Variants in SCD5 observed in about 807,000 individuals in gnomAD.
SCD5 encodes the protein acyl-CoA-desaturase 4.
Under a neutral mutation model 30.4 loss-of-function variants are expected in SCD5, and 20 were observed. That is an observed-to-expected ratio of 0.66 (90% CI 0.46 to 0.96). The LOEUF (loss-of-function observed/expected upper bound fraction) is 0.96, where lower values mean the gene tolerates loss of function less well. Ranked by LOEUF, SCD5 falls within the 40% of genes least tolerant of loss-of-function variation. The pLI is 0.00. For synonymous variants in SCD5, 173 were observed against 176.4 expected, an observed-to-expected ratio of 0.98 and a Z score of 0.16; for missense variants, 381 against 443.3, an observed-to-expected ratio of 0.86 and a Z score of 1.26.
At chr4:82,759,084 TC>T (rs1319139975) in intron 1 of SCD5, among the ~76,000 whole-genome samples, 1 of 152,198 alleles carries the variant, frequency 6.6e-6, no homozygotes, top group Non-Finnish European at 1.5e-5. Context: ...ACGGTTCCTT[TC>T]CTCTACAGCC....
intron 2 of SCD5, among the ~76,000 whole-genome samples, chr4:82,700,701 C>G (rs1344424210): frequency 7.1e-6 from 1 of 140,360 alleles, no homozygotes; most frequent in African/African-American, 2.6e-5. Context: ...GTGGGAGGGG[C>G]GCTTAAGCCC....
chr4:82,796,884 T>C (rs1407146036), intron 1 of SCD5, among the ~76,000 whole-genome samples: 1 of 152,126 alleles, frequency 6.6e-6, no homozygotes, highest in African/African-American at 2.4e-5. Flanking sequence ...ATAAAGGTGA[T>C]GGTGAAAAGG....
In SCD5 at chr4:82,726,254, C is replaced by T. The variant is rs551673011; in HGVS notation, c.233-20841G>A. 7.2e-5 allele frequency among the ~76,000 whole-genome samples: 11 copies of T among 152,032 alleles called. No homozygotes were observed. In the South Asian group the frequency reaches 2.1e-3, roughly 29 times the overall value. On this transcript the variant is annotated intron_variant, in intron 1 of 4. Transcript: ENST00000319540. Reference sequence around the variant, plus strand: ...CCAACATGGAGAAACCCCATCTCTACTAAAAATACAAAATTAGCCGGGCGT... The same window carrying T: ...CCAACATGGAGAAACCCCATCTCTATTAAAAATACAAAATTAGCCGGGCGT...
At chr4:82,649,365 C>G (rs530400349) in intron 3 of SCD5, among the ~76,000 whole-genome samples, 1 of 152,252 alleles carries the variant, frequency 6.6e-6, no homozygotes, top group East Asian at 1.9e-4. Flanking sequence ...CTATTTTTAT[C>G]TCCAATCACC....
intron 3 of SCD5, among the ~76,000 whole-genome samples, chr4:82,678,956 C>T (rs1472130170): frequency 6.6e-6 from 1 of 151,918 alleles, no homozygotes; most frequent in East Asian, 1.9e-4. Context: ...AATCCCAGCA[C>T]TTTGGGAGGC....
At chr4:82,660,545 A>T in intron 3 of SCD5, 4 of 1,151,762 alleles carry the variant, frequency 3.5e-6, no homozygotes, top group Non-Finnish European at 3.2e-6. Flanking sequence ...TTTATTGCAC[A>T]TCTCCTCCAT....
At chr4:82,775,856 GA>G (rs10718061) in intron 1 of SCD5, 30,531 of 144,208 alleles carry the variant, frequency 0.21, 4,086 homozygotes, top group African/African-American at 0.39. Context: ...CTGTCAAAAA[GA>G]AAAAAAAAAA....
At chr4:82,694,548 A>G (rs1719652826) in intron 2 of SCD5, among the ~76,000 whole-genome samples, 1 of 152,182 alleles carries the variant, frequency 6.6e-6, no homozygotes. Flanking sequence ...TTAATGAAAG[A>G]AGATATCTGT....
At chr4:82,692,519 T>C (rs1282704053) in intron 2 of SCD5, 1 of 152,282 alleles carries the variant, frequency 6.6e-6, no homozygotes, top group Non-Finnish European at 1.5e-5. Flanking sequence ...GCGCCTGTTC[T>C]CCCTACGTCG....
chr4:82,777,884 A>C, intron 1 of SCD5, among the ~76,000 whole-genome samples: 1 of 117,792 alleles, frequency 8.5e-6, no homozygotes, highest in Non-Finnish European at 1.7e-5. Flanking sequence ...CCCCCTTTGA[A>C]AGCTGACGCT....
intron 1 of SCD5, among the ~76,000 whole-genome samples, chr4:82,706,762 C>T (rs1719980363): frequency 6.6e-6 from 1 of 152,242 alleles, no homozygotes; most frequent in African/African-American, 2.4e-5. Flanking sequence ...GCTAAACCTG[C>T]CTTGAGCCAC....
At position 82,778,535 on chromosome 4, in the gene SCD5, C is replaced by A. The variant is rs1420081282; in HGVS notation, c.232+19771G>T. ...CGCATGCTCTAGGGGCTATTCCTGG[C>A]CAGTGGGCCTCAACCTGTGAGCTGG... On this transcript the variant is annotated intron_variant, in intron 1 of 4. Transcript: ENST00000319540. Among the ~76,000 whole-genome samples, 3 of 152,232 alleles carry A rather than the reference C, an allele frequency of 2.0e-5. 1 individual carries two copies. The highest frequency in any genetic ancestry group is 4.4e-5 in the Non-Finnish European group (3 of 68,040).
intron 1 of SCD5, among the ~76,000 whole-genome samples, chr4:82,725,375 T>A (rs1390161580): frequency 1.3e-5 from 2 of 152,138 alleles, no homozygotes; most frequent in African/African-American, 4.8e-5. Flanking sequence ...TTTCAGAGGG[T>A]AAAAGCCATA....
chr4:82,684,063 C>A (rs1325182041), intron 2 of SCD5, among the ~76,000 whole-genome samples: 5 of 152,124 alleles, frequency 3.3e-5, no homozygotes, highest in African/African-American at 1.2e-4. Context: ...ATTATTCTCA[C>A]AAAATTAATT....
At chr4:82,784,465 T>G (rs1208801469) in intron 1 of SCD5, among the ~76,000 whole-genome samples, 1 of 152,214 alleles carries the variant, frequency 6.6e-6, no homozygotes, top group African/African-American at 2.4e-5. Flanking sequence ...TATGGTGTTA[T>G]TTTTCTCTGA....
chr4:82,634,420 G>A (rs1026611477), intron 4 of SCD5, among the ~76,000 whole-genome samples: 3 of 152,122 alleles, frequency 2.0e-5, no homozygotes, highest in Admixed American at 6.5e-5. Flanking sequence ...AGTACCTCAA[G>A]ATGGATCCAT....
intron 1 of SCD5, among the ~76,000 whole-genome samples, chr4:82,717,626 G>C (rs1720256503): frequency 6.6e-6 from 1 of 151,662 alleles, no homozygotes; most frequent in African/African-American, 2.4e-5. Context: ...CAAAATCGTT[G>C]GTCCTTTGGC....
At chr4:82,730,893 C>T (rs7698558) in intron 1 of SCD5, among the ~76,000 whole-genome samples, 31,918 of 151,912 alleles carry the variant, frequency 0.21, 4,140 homozygotes, top group African/African-American at 0.37. Context: ...TGTATTTTTT[C>T]GTCTTCTATA....
intron 1 of SCD5, among the ~76,000 whole-genome samples, chr4:82,727,040 A>T (rs1720515665): frequency 6.6e-6 from 1 of 152,202 alleles, no homozygotes; most frequent in East Asian, 1.9e-4. Context: ...TGACAGGATA[A>T]TATAGAGGTG....
Sources: allele counts gnomAD v4.1 joint callset (sites outside exome capture counted in the v4.1 genomes callset), GRCh38; gene constraint gnomAD v4.1.1; transcripts MANE v1.5; gene names NCBI Gene and HGNC (gene_info 2026-07-23, HGNC 2026-07-21).